ROBO1: variants seen among roughly 807,000 people sequenced by gnomAD.
ROBO1 encodes roundabout guidance receptor 1.
ROBO1 carries 149 observed loss-of-function variants against 195.9 expected under a neutral mutation model. The observed-to-expected ratio is 0.76, with a 90% CI of 0.67 to 0.87. The LOEUF is 0.87. Among genes scored for constraint, ROBO1 ranks in the 40% least tolerant of loss-of-function variants. The pLI is 0.00. For missense variants in ROBO1, 1,933 were observed against 2,068.3 expected (o/e 0.93, Z 1.27); for synonymous variants, 816 against 733.2 (o/e 1.11, Z -1.82).
intron 17 of ROBO1, 64 bp downstream of exon 17, chr3:78,659,622 T>C: frequency 8.1e-7 from 1 of 1,240,104 alleles, no homozygotes. Flanking sequence ...CAGCCTGCTT[T>C]TTCTTTATGA....
intron 1 of ROBO1, among the ~76,000 whole-genome samples, chr3:79,672,863 C>A (rs758804461): frequency 1.3e-5 from 2 of 151,906 alleles, no homozygotes; most frequent in African/African-American, 2.4e-5. Flanking sequence ...CTGTGCCATG[C>A]AGAAGGTACA....
chr3:78,957,716 G>C (rs939064447), intron 3 of ROBO1, among the ~76,000 whole-genome samples: 1 of 152,146 alleles, frequency 6.6e-6, no homozygotes, highest in African/African-American at 2.4e-5. Flanking sequence ...CCGATTAACA[G>C]GTATCAATTG....
chr3:79,151,015 G>A (rs558714987), intron 2 of ROBO1, among the ~76,000 whole-genome samples: 4 of 151,726 alleles, frequency 2.6e-5, no homozygotes, highest in Admixed American at 6.6e-5. Context: ...AATCATGGGG[G>A]TGGTTTCTCC....
At chr3:79,165,065 C>T (rs1450145560) in intron 2 of ROBO1, among the ~76,000 whole-genome samples, 2 of 152,058 alleles carry the variant, frequency 1.3e-5, no homozygotes, top group Non-Finnish European at 2.9e-5. Context: ...TACATCACTG[C>T]CAGCCTACAT....
At position 79,509,124 on chromosome 3, in the gene ROBO1, C is replaced by G. The variant is rs576331843; in HGVS notation, c.88+80700G>C. Among the ~76,000 whole-genome samples the G allele has an allele frequency of 4.9e-3, 739 of 151,910 alleles. 3 individuals carry two copies. The highest frequency in any genetic ancestry group is 0.01 in the Middle Eastern group (3 of 294). On this transcript the variant is annotated intron_variant, in intron 2 of 30. Transcript: ENST00000464233. ...AAAAAGATAAAACACTATTTTTGGG[C>G]AGGGATATAATTTCCAACATGGATT...
intron 4 of ROBO1, among the ~76,000 whole-genome samples, chr3:78,875,569 C>G (rs771936072): frequency 3.9e-5 from 6 of 151,924 alleles, no homozygotes; most frequent in Non-Finnish European, 7.4e-5. Flanking sequence ...ATTGCATGCA[C>G]TCGGAATAGC....
chr3:79,761,630 G>C (rs1704704698), intron 1 of ROBO1, among the ~76,000 whole-genome samples: 1 of 152,190 alleles, frequency 6.6e-6, no homozygotes. Flanking sequence ...ATGTTCACAT[G>C]TGATTACTGA....
intron 2 of ROBO1, among the ~76,000 whole-genome samples, chr3:79,229,939 G>A (rs1357901073): frequency 3.3e-5 from 5 of 151,966 alleles, no homozygotes; most frequent in African/African-American, 9.7e-5. Flanking sequence ...TGTCATAAGC[G>A]ACTCTTTCTT....
At position 79,260,337 on chromosome 3, in the gene ROBO1, G is replaced by T. The variant is rs141678993; in HGVS notation, c.89-134798C>A. Among the ~76,000 whole-genome samples, 57 of 151,968 alleles carry T rather than the reference G, an allele frequency of 3.8e-4. No individual in the cohort carries two copies. The East Asian group carries it at 4.3e-3, about 11-fold the overall frequency. ...AGAATCACTCTCCTAAGAGATAAAA[G>T]AATTTAGTGTTTGTATTTTTAATGT... is the stretch of plus-strand genomic sequence containing the variant. On this transcript the variant is annotated intron_variant, in intron 2 of 30. Transcript: ENST00000464233.
At chr3:78,975,127 A>C (rs1192108554) in intron 3 of ROBO1, among the ~76,000 whole-genome samples, 1 of 152,162 alleles carries the variant, frequency 6.6e-6, no homozygotes, top group Non-Finnish European at 1.5e-5. Flanking sequence ...AGCCCTACAG[A>C]GAAAACAGTT....
intron 8 of ROBO1, among the ~76,000 whole-genome samples, chr3:78,700,046 T>C (rs915882263): frequency 3.3e-5 from 5 of 152,212 alleles, no homozygotes; most frequent in African/African-American, 1.2e-4. Flanking sequence ...AAATTAGCCT[T>C]GTGTTCCATG....
At chr3:78,908,953 A>T (rs1377111425) in intron 4 of ROBO1, among the ~76,000 whole-genome samples, 1 of 151,924 alleles carries the variant, frequency 6.6e-6, no homozygotes, top group Non-Finnish European at 1.5e-5. Context: ...TGATAAAAGC[A>T]CTAAAAACAA....
intron 4 of ROBO1, among the ~76,000 whole-genome samples, chr3:78,862,765 T>C (rs1050598313): frequency 3.3e-5 from 5 of 152,180 alleles, no homozygotes; most frequent in Non-Finnish European, 5.9e-5. Context: ...TTCAGAGATA[T>C]GATATAAACC....
chr3:79,684,644 C>A (rs1432330927), intron 1 of ROBO1, among the ~76,000 whole-genome samples: 5 of 151,712 alleles, frequency 3.3e-5, no homozygotes, highest in African/African-American at 1.2e-4. Context: ...TTGTTGCATA[C>A]TCCTGAATTA....
chr3:78,885,932 T>TAC (rs1200518444), intron 4 of ROBO1, among the ~76,000 whole-genome samples: 1 of 144,570 alleles, frequency 6.9e-6, no homozygotes, highest in African/African-American at 2.6e-5. Flanking sequence ...TATATATATA[T>TAC]ATATATATAC....
chr3:78,802,733 A>G (rs1431526431), intron 4 of ROBO1, among the ~76,000 whole-genome samples: 1 of 152,016 alleles, frequency 6.6e-6, no homozygotes, highest in Non-Finnish European at 1.5e-5. Flanking sequence ...CATCATCATC[A>G]TCATCATCAT....
At chr3:79,550,737 C>G (rs1942479962) in intron 2 of ROBO1, among the ~76,000 whole-genome samples, 1 of 152,034 alleles carries the variant, frequency 6.6e-6, no homozygotes, top group Non-Finnish European at 1.5e-5. Flanking sequence ...ATGAGTGGGA[C>G]ACATAAGAAG....
chr3:78,799,639 C>T (rs949774091), intron 4 of ROBO1, among the ~76,000 whole-genome samples: 8 of 152,224 alleles, frequency 5.3e-5, no homozygotes, highest in African/African-American at 1.9e-4. Context: ...CCGCGCCCGG[C>T]CCTACTCTAC....
intron 1 of ROBO1, among the ~76,000 whole-genome samples, chr3:79,644,771 C>T (rs775139547): frequency 7.2e-5 from 11 of 152,068 alleles, no homozygotes; most frequent in Non-Finnish European, 1.3e-4. Flanking sequence ...TTATTTTCAT[C>T]AGTACATGGA....
Sources: allele counts gnomAD v4.1 joint callset (sites outside exome capture counted in the v4.1 genomes callset), GRCh38; gene constraint gnomAD v4.1.1; transcripts MANE v1.5; gene names NCBI Gene and HGNC (gene_info 2026-07-23, HGNC 2026-07-21).